CANX: variants seen among roughly 807,000 people sequenced by gnomAD.
CANX encodes epididymis secretory sperm binding protein.
CANX carries 14 observed loss-of-function variants against 75.7 expected under a neutral mutation model. The observed-to-expected ratio is 0.19, with a 90% CI of 0.12 to 0.29. The LOEUF (loss-of-function observed/expected upper bound fraction) is 0.29, where lower values mean the gene tolerates loss of function less well. CANX is among the 10% of genes least tolerant of loss of function. The pLI is 1.00. For missense variants in CANX, 567 were observed against 713.2 expected, an observed-to-expected ratio of 0.79 and a Z score of 2.34; for synonymous variants, 227 against 236.9, an observed-to-expected ratio of 0.96 and a Z score of 0.38.
intron 3 of CANX, 62 bp from the exon 4 acceptor site, chr5:179,707,070 A>G: frequency 2.1e-6 from 2 of 970,298 alleles, no homozygotes; most frequent in East Asian, 2.4e-5. Context: ...GAGTATTTAC[A>G]TAATTTTCCC....
At chr5:179,680,902 T>G in intron 1 of CANX, 2 of 1,536,846 alleles carry the variant, frequency 1.3e-6, no homozygotes, top group Non-Finnish European at 1.7e-6. Context: ...AGGGAGATGG[T>G]CTCTGGAAGC....
chr5:179,715,027 A>G (rs1481154013), intron 7 of CANX, among the ~76,000 whole-genome samples: 1 of 152,198 alleles, frequency 6.6e-6, no homozygotes, highest in Non-Finnish European at 1.5e-5. Context: ...AGCCTCCCAA[A>G]GTGCTGGGAT....
intron 14 of CANX, among the ~76,000 whole-genome samples, chr5:179,727,585 C>T (rs1324472165): frequency 6.6e-6 from 1 of 152,168 alleles, no homozygotes; most frequent in East Asian, 1.9e-4. Flanking sequence ...CCAGGTTAGA[C>T]AGGCTGTTGT....
rs748622568 is a variant in CANX, at chr5:179,726,667, A to T, written c.1646-13A>T. The T allele has an allele frequency of 6.3e-7, 1 of 1,590,586 alleles. No individual in the cohort carries two copies. The highest frequency in any genetic ancestry group is 2.2e-5 in the East Asian group (1 of 44,754). On this transcript the variant is annotated splice_polypyrimidine_tract_variant and intron_variant, in intron 13 of 14. Coordinates refer to ENST00000247461, the MANE Select transcript of CANX (RefSeq NM_001746.4). ...TAATAAGGTTTTGCTCAGTTGTTTA[A>T]CTTCTGTCTTAGAAGAGAAACAGAA...
chr5:179,714,820 TTTTA>T (rs1244644165), intron 7 of CANX, among the ~76,000 whole-genome samples: 1 of 151,408 alleles, frequency 6.6e-6, no homozygotes, highest in Non-Finnish European at 1.5e-5. Flanking sequence ...CCCGGCCCTT[TTTTA>T]TTTGAGACAG....
At chr5:179,705,586 A>C in intron 1 of CANX, 93 bp from the exon 2 acceptor site, 2 of 924,144 alleles carry the variant, frequency 2.2e-6, no homozygotes, top group Non-Finnish European at 1.7e-6. Flanking sequence ...CTGCGATTTA[A>C]AAGCTTTAAT....
chr5:179,701,875 G>C (rs1776788667), intron 1 of CANX, among the ~76,000 whole-genome samples: 1 of 149,172 alleles, frequency 6.7e-6, no homozygotes, highest in African/African-American at 2.5e-5. Context: ...AAGTAGCTGG[G>C]ACTACAGGTG....
chr5:179,716,946 G>T (rs549439280), intron 8 of CANX, among the ~76,000 whole-genome samples: 2 of 152,174 alleles, frequency 1.3e-5, no homozygotes, highest in African/African-American at 4.8e-5. Context: ...GAAGAATGTC[G>T]TATGCAGAAG....
At chr5:179,722,374 G>C (rs1195214923) in intron 10 of CANX, among the ~76,000 whole-genome samples, 1 of 152,208 alleles carries the variant, frequency 6.6e-6, no homozygotes, top group Non-Finnish European at 1.5e-5. Flanking sequence ...AATAATCCTT[G>C]TACATGTCTG....
upstream of CANX, chr5:179,698,506 C>T (rs1270899201): frequency 7.8e-7 from 1 of 1,289,412 alleles, no homozygotes; most frequent in Non-Finnish European, 1.0e-6. Flanking sequence ...TTCCTGATGG[C>T]CGATCGTCGG....
chr5:179,709,828 A>G (rs754482022), intron 6 of CANX, 45 bp from the exon 7 acceptor site: 4 of 1,301,360 alleles, frequency 3.1e-6, no homozygotes, highest in Non-Finnish European at 4.2e-6. Context: ...GCTTTTGAAC[A>G]CTTTGAGTAC....
intron 10 of CANX, among the ~76,000 whole-genome samples, chr5:179,721,240 C>T (rs1027677796): frequency 4.0e-5 from 6 of 151,830 alleles, no homozygotes; most frequent in Non-Finnish European, 8.8e-5. Flanking sequence ...CAGGTGTGCT[C>T]ACCTCACCTG....
chr5:179,679,468 G>A (rs971674494), intron 1 of CANX, among the ~76,000 whole-genome samples: 1 of 152,210 alleles, frequency 6.6e-6, no homozygotes, highest in Non-Finnish European at 1.5e-5. Flanking sequence ...TGAGGATCAG[G>A]CCCTGGGATA....
At chr5:179,712,570 C>T (rs1161276786) in intron 7 of CANX, among the ~76,000 whole-genome samples, 3 of 151,848 alleles carry the variant, frequency 2.0e-5, no homozygotes, top group Non-Finnish European at 2.9e-5. Context: ...AGGCATGTGC[C>T]ACCACGCCTG....
chr5:179,684,924 G>GTTTTTTTTTTT (rs781629512), intron 1 of CANX, among the ~76,000 whole-genome samples: 20 of 28,992 alleles, frequency 6.9e-4, no homozygotes, highest in South Asian at 4.2e-3. Flanking sequence ...GGCTAATTTT[G>GTTTTTTTTTTT]TATTTTTTTT....
intron 7 of CANX, among the ~76,000 whole-genome samples, chr5:179,715,510 C>T (rs1346742546): frequency 6.6e-6 from 1 of 152,054 alleles, no homozygotes; most frequent in Non-Finnish European, 1.5e-5. Flanking sequence ...TGCACTCCAG[C>T]CTGGGAGACA....
chr5:179,703,198 C>T (rs1172318995), intron 1 of CANX, among the ~76,000 whole-genome samples: 2 of 151,884 alleles, frequency 1.3e-5, no homozygotes, highest in East Asian at 3.9e-4. Flanking sequence ...TTGGCGTGAG[C>T]CACCGCGCCT....
At chr5:179,685,540 G>A (rs563744287) in intron 1 of CANX, among the ~76,000 whole-genome samples, 9 of 139,246 alleles carry the variant, frequency 6.5e-5, no homozygotes, top group East Asian at 4.2e-4. Flanking sequence ...GAGCCACCGC[G>A]CCCAGCTTTT....
At chr5:179,692,729 T>C (rs1251190854) in intron 1 of CANX, among the ~76,000 whole-genome samples, 1 of 151,420 alleles carries the variant, frequency 6.6e-6, no homozygotes, top group Non-Finnish European at 1.5e-5. Flanking sequence ...TTGCCCAGGC[T>C]GGTCTCAAAC....
Sources: gnomAD v4.1 joint callset for allele counts (sites outside exome capture counted in the v4.1 genomes callset) on GRCh38, gnomAD v4.1.1 for gene constraint, MANE v1.5 for transcripts, NCBI Gene and HGNC (gene_info 2026-07-23, HGNC 2026-07-21) for gene names.